The following PLAC1 variants were observed in gnomAD, a reference collection of about 807,000 sequenced individuals.
The protein encoded by PLAC1 is placenta associated 1, also known as placenta-specific protein 1.
For synonymous variants in PLAC1, 68 were observed against 62.1 expected (o/e 1.09, Z -0.44); for missense variants, 136 against 163.2 (o/e 0.83, Z 0.91).
intron 2 of PLAC1, among the ~76,000 whole-genome samples, chrX:134,591,150 CTCTA>C (rs893447452): frequency 1.8e-5 from 2 of 112,189 alleles, no homozygotes; most frequent in African/African-American, 6.5e-5. Flanking sequence ...TCAGGTAGGT[CTCTA>C]TCTTTCATCT....
chrX:134,586,611 G>A (rs916038569), intron 2 of PLAC1, among the ~76,000 whole-genome samples: 21 of 108,964 alleles, frequency 1.9e-4, no homozygotes, highest in African/African-American at 7.0e-4. Flanking sequence ...TCATCTTGCC[G>A]CCTTCTCCCT....
intron 2 of PLAC1, among the ~76,000 whole-genome samples, chrX:134,591,665 G>C (rs1277156091): frequency 8.9e-6 from 1 of 112,468 alleles, no homozygotes; most frequent in Non-Finnish European, 1.9e-5. Context: ...AAATGCCCAG[G>C]AGTGTGATTG....
chrX:134,608,186 C>T (rs1257854707), intron 1 of PLAC1, among the ~76,000 whole-genome samples: 1 of 111,729 alleles, frequency 9.0e-6, no homozygotes, highest in African/African-American at 3.3e-5. Flanking sequence ...AGATACATAT[C>T]CAATAGAATT....
intron 2 of PLAC1, among the ~76,000 whole-genome samples, chrX:134,670,237 C>G (rs1205417382): frequency 4.5e-5 from 5 of 110,292 alleles, no homozygotes; most frequent in Non-Finnish European, 7.6e-5. Flanking sequence ...GGGGACTGTC[C>G]TCCATGCATC....
At chrX:134,734,192 G>T (rs745533064) in intron 1 of PLAC1, among the ~76,000 whole-genome samples, 1 of 112,813 alleles carries the variant, frequency 8.9e-6, no homozygotes, top group East Asian at 2.8e-4. Context: ...TGTGTTGTTA[G>T]GTTGAAGGTT....
chrX:134,689,606 T>C (rs2078529670), intron 2 of PLAC1, among the ~76,000 whole-genome samples: 1 of 111,378 alleles, frequency 9.0e-6, no homozygotes, highest in African/African-American at 3.3e-5. Flanking sequence ...AATTTGAAAA[T>C]ACTGACAGAG....
chrX:134,599,949 G>A (rs1405212221), intron 2 of PLAC1, among the ~76,000 whole-genome samples: 1 of 110,933 alleles, frequency 9.0e-6, no homozygotes, highest in African/African-American at 3.3e-5. Flanking sequence ...AAAAGGGGTG[G>A]GGATGGAGAG....
intron 2 of PLAC1, among the ~76,000 whole-genome samples, chrX:134,580,810 C>G (rs188589551): frequency 1.8e-5 from 2 of 111,841 alleles, no homozygotes; most frequent in Middle Eastern, 4.6e-3. Flanking sequence ...CACATTTATT[C>G]CGTGGGTTGC....
chrX:134,628,327 T>G (rs1406367937), intron 1 of PLAC1, among the ~76,000 whole-genome samples: 4 of 112,040 alleles, frequency 3.6e-5, no homozygotes, highest in Non-Finnish European at 7.5e-5. Flanking sequence ...GCTGTGCATC[T>G]CTCTTGTACT....
intron 1 of PLAC1, among the ~76,000 whole-genome samples, chrX:134,762,718 C>T (rs182852842): frequency 9.6e-6 from 1 of 104,240 alleles, no homozygotes; most frequent in African/African-American, 3.5e-5. Flanking sequence ...ATCCCAGCTA[C>T]TCGGGAAGCA....
intron 1 of PLAC1, among the ~76,000 whole-genome samples, chrX:134,629,918 G>A (rs1245776166): frequency 2.7e-5 from 3 of 109,436 alleles, no homozygotes; most frequent in African/African-American, 1.0e-4. Flanking sequence ...GTCAGGACAC[G>A]TTGGTGTTTG....
chrX:134,637,454 C>T (rs1345653899), intron 1 of PLAC1, among the ~76,000 whole-genome samples: 1 of 112,079 alleles, frequency 8.9e-6, no homozygotes, highest in Non-Finnish European at 1.9e-5. Context: ...TGTGGACACA[C>T]CACTATCGTC....
intron 1 of PLAC1, among the ~76,000 whole-genome samples, chrX:134,657,056 G>A (rs1429944811): frequency 8.9e-6 from 1 of 112,137 alleles, no homozygotes; most frequent in Admixed American, 9.5e-5. Flanking sequence ...ACTTGACCGT[G>A]AGAAGATGCT....
chrX:134,755,976 C>T (rs1282263770), intron 1 of PLAC1, among the ~76,000 whole-genome samples: 2 of 105,501 alleles, frequency 1.9e-5, no homozygotes, highest in African/African-American at 7.0e-5. Flanking sequence ...CTCAGCCTCC[C>T]AAGTAGCTGG....
intron 1 of PLAC1, among the ~76,000 whole-genome samples, chrX:134,647,450 G>A (rs1602872788): frequency 1.0e-5 from 1 of 98,316 alleles, no homozygotes. Context: ...GTGTGTGTGT[G>A]TTGGAGGGGT....
intron 2 of PLAC1, among the ~76,000 whole-genome samples, chrX:134,575,039 T>C (rs1458179802): frequency 9.0e-6 from 1 of 111,315 alleles, no homozygotes. Flanking sequence ...TAGAGGTTCT[T>C]GGGAAATCAG....
intron 2 of PLAC1, among the ~76,000 whole-genome samples, chrX:134,731,837 C>T (rs1225723925): frequency 8.9e-6 from 1 of 111,760 alleles, no homozygotes; most frequent in Non-Finnish European, 1.9e-5. Flanking sequence ...GCTTTTGCCT[C>T]CTTGAGACAC....
chrX:134,654,928 TTAAC>T (rs1360167055), intron 1 of PLAC1, among the ~76,000 whole-genome samples: 2 of 112,401 alleles, frequency 1.8e-5, no homozygotes, highest in African/African-American at 6.5e-5. Flanking sequence ...TGATTTTTAA[TTAAC>T]TAACTACTCT....
chrX:134,586,414 G>T (rs2078000363), intron 2 of PLAC1, among the ~76,000 whole-genome samples: 1 of 111,868 alleles, frequency 8.9e-6, no homozygotes, highest in Non-Finnish European at 1.9e-5. Context: ...TTTAGTAATT[G>T]CAGGAAACAG....
Sources: gnomAD v4.1 joint callset for allele counts (sites outside exome capture counted in the v4.1 genomes callset) on GRCh38, gnomAD v4.1.1 for gene constraint, MANE v1.5 for transcripts, NCBI Gene and HGNC (gene_info 2026-07-23, HGNC 2026-07-21) for gene names.